ENAH: variants seen among roughly 807,000 people sequenced by gnomAD.
ENAH encodes ENAH actin regulator.
ENAH carries 23 observed loss-of-function variants against 78.7 expected under a neutral mutation model. The observed-to-expected ratio is 0.29, with a 90% confidence interval of 0.21 to 0.41. The LOEUF (loss-of-function observed/expected upper bound fraction) is 0.41, where lower values mean the gene tolerates loss of function less well. Ranked by LOEUF, ENAH falls within the 10% of genes least tolerant of loss-of-function variation. The pLI is 1.00. For synonymous variants in ENAH, 226 were observed against 241.0 expected, an observed-to-expected ratio of 0.94 and a Z score of 0.58; for missense variants, 544 against 691.0, an observed-to-expected ratio of 0.79 and a Z score of 2.39.
chr1:225,638,198 T>TG (rs1553466414), intron 1 of ENAH, among the ~76,000 whole-genome samples: 1 of 152,094 alleles, frequency 6.6e-6, no homozygotes, highest in Non-Finnish European at 1.5e-5. Context: ...CTATTAAACT[T>TG]GACTAACCCC....
chr1:225,561,244 A>T (rs1258217490), intron 2 of ENAH, among the ~76,000 whole-genome samples: 2 of 151,984 alleles, frequency 1.3e-5, no homozygotes, highest in East Asian at 3.9e-4. Context: ...ACAAAAACAA[A>T]TTTTTTTTAA....
chr1:225,647,214 A>T (rs1008037967), intron 1 of ENAH, among the ~76,000 whole-genome samples: 2 of 152,130 alleles, frequency 1.3e-5, no homozygotes, highest in African/African-American at 4.8e-5. Flanking sequence ...CAAGAGTGAG[A>T]CTCCATCTCA....
At chr1:225,501,180 A>T (rs892115630) in intron 11 of ENAH, 110 bp from the exon 12 acceptor site, 3 of 737,962 alleles carry the variant, frequency 4.1e-6, no homozygotes, top group South Asian at 5.2e-5. Flanking sequence ...ACATTTCTTT[A>T]AAAAAGCCAT....
At position 225,495,456 on chromosome 1, in the gene ENAH, G is replaced by GTTTTTTTT. The variant is rs33964064; in HGVS notation, c.*2311_*2318dup. On this transcript the variant is annotated 3_prime_UTR_variant, in exon 14 of 14. Transcript: ENST00000366843. ...GGAAATATAGCATGATTCAACACTG[G>GTTTTTTTT]TTTTTTTTTTTTTTTTTTTTTGTCA... is the stretch of plus-strand genomic sequence containing the variant. The GTTTTTTTT allele has an allele frequency of 2.7e-4, 30 of 110,756 alleles. No individual in the cohort carries two copies. The highest frequency in any genetic ancestry group is 4.2e-4 in the African/African-American group (12 of 28,480). The allele number at this position is 110,756 out of a possible 1,614,324, so 6.9% of individuals were successfully genotyped here.
rs1480440154 is a variant in ENAH, at chr1:225,581,259, T to C, written c.6-13845A>G. 7.1e-6 allele frequency: 7 copies of C among 983,514 alleles called. No homozygotes were observed. The African/African-American group carries it at 8.7e-5, about 12-fold the overall frequency. The allele number at this position is 983,514 out of a possible 1,614,324, so 60.9% of individuals were successfully genotyped here. A position where few individuals can be genotyped will look rare whatever the true frequency, so the allele number is the denominator to read the frequency against. The stretch of plus-strand genomic sequence containing the variant: ...TGAATAGATTATTTCACCTGTTTCC[T>C]GTAGTTCTTCTTTTCCTCACATTAT... On this transcript the variant is annotated intron_variant, in intron 1 of 13. Coordinates refer to ENST00000366843, the MANE Select transcript of ENAH (RefSeq NM_018212.6).
chr1:225,544,296 T>C (rs1418080483), intron 3 of ENAH, among the ~76,000 whole-genome samples: 2 of 152,214 alleles, frequency 1.3e-5, no homozygotes, highest in African/African-American at 4.8e-5. Context: ...CAAATTACTA[T>C]CCTCATGTAA....
At chr1:225,567,447 CAATATTTAAA>C in intron 1 of ENAH, 33 bp from the exon 2 acceptor site, 1 of 1,588,786 alleles carries the variant, frequency 6.3e-7, no homozygotes. Context: ...TTCAAACTTG[CAATATTTAAA>C]ATATGCTAAG....
At chr1:225,514,114 T>C (rs1459963958) in intron 7 of ENAH, among the ~76,000 whole-genome samples, 5 of 152,236 alleles carry the variant, frequency 3.3e-5, no homozygotes, top group African/African-American at 9.6e-5. Context: ...AAATTATTTA[T>C]ACTATTCTTA....
rs1216859560 is a variant in ENAH at position 225,487,710 on chromosome 1, T to G, written c.*10065A>C. 4 of 152,236 alleles carry G rather than the reference T, an allele frequency of 2.6e-5. No homozygotes were observed. The highest frequency in any genetic ancestry group is 2.6e-4 in the Admixed American group (4 of 15,286). 9.4% of individuals were successfully genotyped at this position (152,236 alleles called of 1,614,324 possible). On this transcript the variant is annotated 3_prime_UTR_variant, in exon 14 of 14. Coordinates refer to ENST00000366843, the MANE Select transcript of ENAH (RefSeq NM_018212.6). Reference sequence around the variant, plus strand: ...AGTCCCATTCATGGGGTGCAAATGTTTACATTGTTAGCAAAGAAAATAGCT... The same window carrying G: ...AGTCCCATTCATGGGGTGCAAATGTGTACATTGTTAGCAAAGAAAATAGCT...
chr1:225,591,099 T>C (rs1238641383), intron 1 of ENAH, among the ~76,000 whole-genome samples: 1 of 152,232 alleles, frequency 6.6e-6, no homozygotes. Flanking sequence ...TATAGAATTG[T>C]TGCTAAGCAT....
intron 1 of ENAH, chr1:225,652,473 G>A (rs1325600903): frequency 7.4e-6 from 7 of 942,878 alleles, no homozygotes; most frequent in Non-Finnish European, 8.8e-6. Flanking sequence ...ATGAGAGAAC[G>A]ATGAAGCGAG....
chr1:225,501,772 G>C (rs900580095), intron 11 of ENAH, among the ~76,000 whole-genome samples: 5 of 152,216 alleles, frequency 3.3e-5, no homozygotes, highest in African/African-American at 1.2e-4. Flanking sequence ...GGATATGCCA[G>C]ACAGAAGCAG....
chr1:225,578,008 T>C (rs763799347), intron 1 of ENAH, among the ~76,000 whole-genome samples: 96 of 152,162 alleles, frequency 6.3e-4, no homozygotes, highest in Non-Finnish European at 1.2e-3. Context: ...TCAATAAATG[T>C]GACTCAGGCG....
intron 9 of ENAH, among the ~76,000 whole-genome samples, chr1:225,512,175 T>A (rs79272974): frequency 0.012 from 1,855 of 152,296 alleles, 34 homozygotes; most frequent in African/African-American, 0.043. Context: ...GGGAACATAT[T>A]ATTTGTTGCA....
At chr1:225,559,054 CT>C in intron 2 of ENAH, among the ~76,000 whole-genome samples, 1 of 152,154 alleles carries the variant, frequency 6.6e-6, no homozygotes, top group Non-Finnish European at 1.5e-5. Flanking sequence ...AACAATACTT[CT>C]TTTTCAAGAT....
chr1:225,610,770 C>G (rs530427185), intron 1 of ENAH, among the ~76,000 whole-genome samples: 6 of 152,150 alleles, frequency 3.9e-5, no homozygotes, highest in Non-Finnish European at 7.3e-5. Flanking sequence ...AACGCTAGTA[C>G]GATCAACCAC....
chr1:225,517,912 G>A (rs1040851378), intron 5 of ENAH: 7 of 1,550,994 alleles, frequency 4.5e-6, no homozygotes, highest in Non-Finnish European at 5.2e-6. Context: ...AGCGTATGAT[G>A]GAGGAGGTGC....
In ENAH at chr1:225,519,299, C is replaced by T; in HGVS notation, c.701G>A (p.Arg234Lys). The change falls in exon 5 of 14, where the codon AGG becomes AAG. Residue 234 changes from arginine to lysine, a missense_variant. Physicochemically the swap from Arg to Lys is conservative, Grantham distance 26 (BLOSUM62 2). This residue lies in a region of ENAH where 366 missense variants were observed against 396.1 expected (regional missense o/e 0.92). Coordinates refer to ENST00000366843, the MANE Select transcript of ENAH (RefSeq NM_018212.6). ...CCTCTCCCGTTCCAGTCTCTCCAGC[C>T]TCTCTCGTTCTTGTCTTTCTTGCCT... is the stretch of plus-strand genomic sequence containing the variant. ...RERQERQERE[R>K]LERLERERQE... is the part of the protein sequence containing the mutation. 6.2e-7 allele frequency: 1 copy of T among 1,613,756 alleles called. No homozygotes were observed. Among genetic ancestry groups the T allele is most frequent in the South Asian group, 1.1e-5 (1 of 91,040 alleles).
rs541905475 is a variant in ENAH at position 225,570,387 on chromosome 1, G to GA, written c.6-2974dup. On this transcript the variant is annotated intron_variant, in intron 1 of 13. Coordinates refer to ENST00000366843, the MANE Select transcript of ENAH (RefSeq NM_018212.6). ...AACTGCGCAGGTCCACTTATACATG[G>GA]ATTTTTTTTTTCCAGTGTTTTTCAG... 8.8e-4 allele frequency among the ~76,000 whole-genome samples: 133 copies of GA among 151,436 alleles called. 1 individual carries two copies. The highest frequency in any genetic ancestry group is 3.2e-3 in the African/African-American group (133 of 41,216).
Sources: gnomAD v4.1 joint callset for allele counts (sites outside exome capture counted in the v4.1 genomes callset) on GRCh38, gnomAD v4.1.1 for gene constraint, gnomAD v4.1.1 regional missense constraint, MANE v1.5 for transcripts, NCBI Gene and HGNC (gene_info 2026-07-23, HGNC 2026-07-21) for gene names.